CACNA2D3: variants seen among roughly 807,000 people sequenced by gnomAD.
CACNA2D3 encodes the protein voltage-dependent calcium channel subunit alpha-2/delta-3.
Under a neutral mutation model 160.6 loss-of-function variants are expected in CACNA2D3, and 60 were observed. The ratio of observed to expected loss-of-function variants is 0.37; its 90% CI spans 0.30 to 0.46. CACNA2D3 has a LOEUF of 0.46. Among genes scored for constraint, CACNA2D3 ranks in the 20% least tolerant of loss-of-function variants. CACNA2D3 has a pLI of 1.00. For synonymous variants in CACNA2D3, 558 were observed against 492.9 expected (o/e 1.13, Z -1.75); for missense variants, 1,205 against 1,365.0 (o/e 0.88, Z 1.85).
chr3:54,984,493 T>C (rs2360664), intron 29 of CACNA2D3, 115 bp from the exon 30 acceptor site: 151,167 of 687,622 alleles, frequency 0.22, 19,302 homozygotes, highest in African/African-American at 0.44. Flanking sequence ...AAACAATTGC[T>C]TTCCAAAAAA....
intron 11 of CACNA2D3, among the ~76,000 whole-genome samples, chr3:54,644,235 T>G (rs1469097218): frequency 6.6e-6 from 1 of 152,116 alleles, no homozygotes; most frequent in African/African-American, 2.4e-5. Flanking sequence ...TTGGATTAAT[T>G]GAAACCAGAA....
chr3:54,331,095 T>C (rs1478940941), intron 3 of CACNA2D3, among the ~76,000 whole-genome samples: 1 of 152,116 alleles, frequency 6.6e-6, no homozygotes, highest in Non-Finnish European at 1.5e-5. Context: ...AAATAATTAA[T>C]CACATCAGAA....
chr3:54,534,675 CA>C (rs1394775859), intron 5 of CACNA2D3, among the ~76,000 whole-genome samples: 1 of 151,706 alleles, frequency 6.6e-6, no homozygotes, highest in Non-Finnish European at 1.5e-5. Context: ...ATAATCCCAA[CA>C]CTTTGGGAGG....
At chr3:54,149,267 GCA>G (rs3060363) in intron 2 of CACNA2D3, among the ~76,000 whole-genome samples, 1,500 of 144,202 alleles carry the variant, frequency 0.01, 13 homozygotes, top group African/African-American at 0.025. Flanking sequence ...GGTCCCATGT[GCA>G]CACACACACA....
chr3:55,024,501 T>C (rs1269969700), intron 35 of CACNA2D3, among the ~76,000 whole-genome samples: 1 of 152,064 alleles, frequency 6.6e-6, no homozygotes, highest in Non-Finnish European at 1.5e-5. Context: ...ATGAAAGGTA[T>C]TAGTGCCCTT....
chr3:54,343,298 AT>A (rs986421794), intron 3 of CACNA2D3, among the ~76,000 whole-genome samples: 5 of 150,852 alleles, frequency 3.3e-5, no homozygotes, highest in African/African-American at 1.2e-4. Flanking sequence ...TTCTTTTTTA[AT>A]TTTTTTTTAA....
intron 4 of CACNA2D3, among the ~76,000 whole-genome samples, chr3:54,407,540 A>G (rs1206574504): frequency 2.0e-5 from 3 of 152,168 alleles, no homozygotes; most frequent in Non-Finnish European, 2.9e-5. Flanking sequence ...TTTCCAAGGA[A>G]TCCTTAAGTG....
At chr3:54,528,168 C>A (rs568283064) in intron 5 of CACNA2D3, among the ~76,000 whole-genome samples, 4 of 151,852 alleles carry the variant, frequency 2.6e-5, no homozygotes, top group African/African-American at 7.3e-5. Context: ...GCCAGGGTTA[C>A]GGTCACTACT....
intron 11 of CACNA2D3, among the ~76,000 whole-genome samples, chr3:54,739,790 TGTGTGG>T (rs1241080838): frequency 6.9e-6 from 1 of 144,512 alleles, no homozygotes; most frequent in African/African-American, 2.6e-5. Flanking sequence ...TGTGTGTGTG[TGTGTGG>T]AATTATATAT....
intron 35 of CACNA2D3, among the ~76,000 whole-genome samples, chr3:55,022,581 TCC>T (rs1350855123): frequency 7.3e-5 from 11 of 150,030 alleles, no homozygotes; most frequent in African/African-American, 2.2e-4. Context: ...CTTCCTTCCT[TCC>T]TTCCTTTTTT....
chr3:54,251,465 C>A (rs1316397341), intron 2 of CACNA2D3, among the ~76,000 whole-genome samples: 1 of 152,196 alleles, frequency 6.6e-6, no homozygotes, highest in Non-Finnish European at 1.5e-5. Flanking sequence ...AAGAAGATGA[C>A]AAACCTAGGA....
At chr3:54,894,735 G>C (rs1526594) in intron 25 of CACNA2D3, 61,801 of 451,402 alleles carry the variant, frequency 0.14, 4,580 homozygotes, top group Middle Eastern at 0.2. Context: ...GTCCAGGTCA[G>C]GTTTATGAAG....
At chr3:54,468,637 A>G (rs1352627243) in intron 4 of CACNA2D3, among the ~76,000 whole-genome samples, 1 of 152,170 alleles carries the variant, frequency 6.6e-6, no homozygotes, top group African/African-American at 2.4e-5. Flanking sequence ...CTAGCTCAGC[A>G]GATCCCACCC....
At chr3:54,413,410 ATATATATAGATATC>A (rs1224200067) in intron 4 of CACNA2D3, among the ~76,000 whole-genome samples, 1 of 146,868 alleles carries the variant, frequency 6.8e-6, no homozygotes, top group African/African-American at 2.5e-5. Context: ...ATATATATCT[ATATATATAGATATC>A]TATATATATA....
chr3:54,645,180 C>A (rs1027609597), intron 11 of CACNA2D3, among the ~76,000 whole-genome samples: 3 of 152,092 alleles, frequency 2.0e-5, no homozygotes, highest in Admixed American at 1.3e-4. Flanking sequence ...TCTTACATGG[C>A]GGCAGGTAAG....
chr3:54,359,724 G>A (rs1283301843), intron 3 of CACNA2D3, among the ~76,000 whole-genome samples: 2 of 152,186 alleles, frequency 1.3e-5, no homozygotes, highest in African/African-American at 4.8e-5. Context: ...AAAGGAATCT[G>A]CTTAACTTTG....
At chr3:54,883,439 T>G (rs138242361) in intron 21 of CACNA2D3, among the ~76,000 whole-genome samples, 115 of 152,300 alleles carry the variant, frequency 7.6e-4, no homozygotes, top group African/African-American at 2.6e-3. Flanking sequence ...AGGACCAATG[T>G]CAGAGGTGAG....
intron 9 of CACNA2D3, among the ~76,000 whole-genome samples, chr3:54,598,910 C>T (rs552822273): frequency 2.0e-5 from 3 of 152,120 alleles, no homozygotes; most frequent in African/African-American, 4.8e-5. Flanking sequence ...AGCAAAACAC[C>T]GTTTGTGATG....
At chr3:54,827,518 G>A (rs1317026755) in intron 14 of CACNA2D3, among the ~76,000 whole-genome samples, 2 of 152,192 alleles carry the variant, frequency 1.3e-5, no homozygotes, top group Admixed American at 1.3e-4. Flanking sequence ...TAAGCACATT[G>A]CAGTGTTCAA....
Sources: gnomAD v4.1 joint callset for allele counts (sites outside exome capture counted in the v4.1 genomes callset) on GRCh38, gnomAD v4.1.1 for gene constraint, MANE v1.5 for transcripts, NCBI Gene and HGNC (gene_info 2026-07-23, HGNC 2026-07-21) for gene names.